The following RIMBP2 variants were observed in gnomAD, a reference collection of about 807,000 sequenced individuals.
RIMBP2 encodes RIMS binding protein 2.
A neutral mutation model predicts 118.6 loss-of-function variants in RIMBP2; 48 were observed. The observed-to-expected ratio is 0.40, with a 90% CI of 0.32 to 0.51. The LOEUF is 0.51. Among genes scored for constraint, RIMBP2 ranks in the 20% least tolerant of loss-of-function variants. RIMBP2 has a pLI of 0.41. For synonymous variants in RIMBP2, 762 were observed against 742.9 expected (o/e 1.03, Z -0.42); for missense variants, 1,551 against 1,768.3 (o/e 0.88, Z 2.20).
chr12:130,452,273 G>T (rs2079065887), intron 7 of RIMBP2, among the ~76,000 whole-genome samples: 1 of 152,142 alleles, frequency 6.6e-6, no homozygotes, highest in Admixed American at 6.5e-5. Flanking sequence ...AGTATAAAAT[G>T]ATTTAAAAAA....
intron 2 of RIMBP2, among the ~76,000 whole-genome samples, chr12:130,538,290 C>G (rs1364173278): frequency 7.0e-6 from 1 of 142,316 alleles, no homozygotes; most frequent in Non-Finnish European, 1.5e-5. Context: ...AAGCTCTTCA[C>G]AGTGGAAAAA....
At chr12:130,401,872 G>A (rs1434025832) in intron 21 of RIMBP2, among the ~76,000 whole-genome samples, 1 of 152,074 alleles carries the variant, frequency 6.6e-6, no homozygotes, top group Non-Finnish European at 1.5e-5. Context: ...TGGGGAGTGT[G>A]TTCTGTGAAC....
chr12:130,712,841 C>T (rs1167285059), intron 1 of RIMBP2, among the ~76,000 whole-genome samples: 2 of 152,150 alleles, frequency 1.3e-5, no homozygotes, highest in African/African-American at 4.8e-5. Context: ...GCAGCTACGA[C>T]AGCCACACTG....
At position 130,640,415 on chromosome 12, in the gene RIMBP2, C is replaced by G. The variant is rs1033268812; in HGVS notation, c.-351-11959G>C. ...TTCAGCCCAATTATTTCTTTATTTT[C>G]AAACCGAAGTTCAGTGTATCGTGCT... On this transcript the variant is annotated intron_variant, in intron 1 of 22. Transcript: ENST00000690449. 2.6e-5 allele frequency among the ~76,000 whole-genome samples: 4 copies of G among 152,304 alleles called. No individual in the cohort carries two copies. In the East Asian group the frequency reaches 7.7e-4, roughly 29 times the overall value.
At chr12:130,491,851 G>C (rs35825545) in intron 4 of RIMBP2, among the ~76,000 whole-genome samples, 1 of 152,222 alleles carries the variant, frequency 6.6e-6, no homozygotes, top group Non-Finnish European at 1.5e-5. Flanking sequence ...CCTGTGGCAG[G>C]ATTTATTTTT....
chr12:130,482,448 GAGC>G (rs1438953187), intron 4 of RIMBP2, among the ~76,000 whole-genome samples: 2 of 152,212 alleles, frequency 1.3e-5, no homozygotes, highest in Non-Finnish European at 2.9e-5. Context: ...GTGTGGCACG[GAGC>G]AGGATGGAGG....
intron 2 of RIMBP2, among the ~76,000 whole-genome samples, chr12:130,584,602 A>G (rs929078472): frequency 2.0e-5 from 3 of 151,652 alleles, no homozygotes; most frequent in Non-Finnish European, 2.9e-5. Context: ...TTACATCACC[A>G]CTATCATGAC....
rs373166596 is a variant in RIMBP2 at position 130,580,742 on chromosome 12, C to T, written c.-217+47580G>A. 2.9e-4 allele frequency among the ~76,000 whole-genome samples: 44 copies of T among 152,210 alleles called. 1 individual carries two copies. Among genetic ancestry groups the T allele is most frequent in the African/African-American group, 1.0e-3 (42 of 41,536 alleles). ...ATCACTTGGGGTCAGAAGTTTGAGA[C>T]CAGCCTGGCCAACATGGTGAAACCC... On this transcript the variant is annotated intron_variant, in intron 2 of 22. Transcript: ENST00000690449.
chr12:130,440,164 G>A (rs1269864086), intron 11 of RIMBP2, among the ~76,000 whole-genome samples: 8 of 103,872 alleles, frequency 7.7e-5, no homozygotes, highest in African/African-American at 3.1e-4. Flanking sequence ...AACCCTGGCC[G>A]TACCTGCACC....
chr12:130,549,534 C>A (rs191116119), intron 2 of RIMBP2, among the ~76,000 whole-genome samples: 12 of 152,282 alleles, frequency 7.9e-5, no homozygotes, highest in Admixed American at 7.2e-4. Context: ...CAGTAGGCCC[C>A]AGTGTCTGCT....
At chr12:130,648,252 G>C (rs979242580) in intron 1 of RIMBP2, among the ~76,000 whole-genome samples, 1 of 145,876 alleles carries the variant, frequency 6.9e-6, no homozygotes, top group Non-Finnish European at 1.6e-5. Context: ...TAATGGAAGA[G>C]GAAACAGACA....
intron 2 of RIMBP2, among the ~76,000 whole-genome samples, chr12:130,596,410 A>G (rs942688068): frequency 1.3e-5 from 2 of 151,642 alleles, no homozygotes; most frequent in Admixed American, 6.6e-5. Flanking sequence ...CGTTGAAACC[A>G]GGCTCAGACA....
At chr12:130,607,824 T>C (rs2060279377) in intron 2 of RIMBP2, among the ~76,000 whole-genome samples, 1 of 151,982 alleles carries the variant, frequency 6.6e-6, no homozygotes, top group Non-Finnish European at 1.5e-5. Flanking sequence ...CATCCATTTT[T>C]ACAGCCGCTT....
chr12:130,627,768 A>T (rs2061732899), intron 2 of RIMBP2, among the ~76,000 whole-genome samples: 1 of 151,956 alleles, frequency 6.6e-6, no homozygotes, highest in Non-Finnish European at 1.5e-5. Flanking sequence ...CTGCCCCAAT[A>T]TATCCGGGAC....
intron 5 of RIMBP2, among the ~76,000 whole-genome samples, chr12:130,477,177 A>G (rs532215362): frequency 6.6e-6 from 1 of 152,344 alleles, no homozygotes; most frequent in South Asian, 2.1e-4. Context: ...AAAGAACGCC[A>G]AGAGAACTGG....
Position 130,419,533 on chromosome 12 carries a change from TTTGATTTTTTTTATTGCAGGGAAACC to T in RIMBP2, c.3238+2894_3238+2919del, listed in dbSNP as rs2076293894. 6.6e-6 allele frequency: 1 copy of T among 152,230 alleles called. No homozygotes were observed. The highest frequency in any genetic ancestry group is 1.9e-4 in the East Asian group (1 of 5,202). The allele number at this position is 152,230 out of a possible 1,614,324, so 9.4% of individuals were successfully genotyped here. On this transcript the variant is annotated intron_variant, in intron 17 of 22. Transcript: ENST00000690449. The surrounding 1 kb of genome is among the most constrained non-coding windows in gnomAD (Gnocchi z 4.3). Reference sequence around the variant, plus strand: ...CATCTATTAAACAGAGTTGACAGCTTTTGATTTTTTTTATTGCAGGGAAACCTGAAGAAAAGAGCTCCCCTTTTTAA... The same window carrying T: ...CATCTATTAAACAGAGTTGACAGCTTTGAAGAAAAGAGCTCCCCTTTTTAA...
chr12:130,561,144 G>A (rs1003948407), intron 2 of RIMBP2, among the ~76,000 whole-genome samples: 3 of 152,144 alleles, frequency 2.0e-5, no homozygotes, highest in Admixed American at 6.5e-5. Flanking sequence ...AGAGAGGCCA[G>A]AACAGGGGCT....
intron 4 of RIMBP2, among the ~76,000 whole-genome samples, chr12:130,484,215 C>T (rs2082292267): frequency 6.6e-6 from 1 of 152,190 alleles, no homozygotes; most frequent in South Asian, 2.1e-4. Flanking sequence ...CATGCTGTCA[C>T]AGGGCCACCT....
intron 2 of RIMBP2, among the ~76,000 whole-genome samples, chr12:130,563,757 T>C (rs910034713): frequency 6.6e-6 from 1 of 152,202 alleles, no homozygotes; most frequent in African/African-American, 2.4e-5. Flanking sequence ...TACTCTCATC[T>C]CTTCTCTGTG....
Sources: gnomAD v4.1 joint callset for allele counts (sites outside exome capture counted in the v4.1 genomes callset) on GRCh38, gnomAD v4.1.1 for gene constraint, Gnocchi (gnomAD v3.1) non-coding constraint, MANE v1.5 for transcripts, NCBI Gene and HGNC (gene_info 2026-07-23, HGNC 2026-07-21) for gene names.